ROBO2: variants seen among roughly 807,000 people sequenced by gnomAD.
The protein encoded by ROBO2 is roundabout homolog 2.
ROBO2 carries 53 observed loss-of-function variants against 160.8 expected under a neutral mutation model. The ratio of observed to expected loss-of-function variants is 0.33; its 90% CI spans 0.26 to 0.41. The LOEUF is 0.41. ROBO2 is among the 10% of genes least tolerant of loss of function. ROBO2 has a pLI of 1.00. For synonymous variants in ROBO2, 664 were observed against 611.7 expected (o/e 1.09, Z -1.26); for missense variants, 1,577 against 1,722.4 (o/e 0.92, Z 1.49).
chr3:75,996,997 C>T (rs904419808), intron 2 of ROBO2, among the ~76,000 whole-genome samples: 3 of 152,112 alleles, frequency 2.0e-5, no homozygotes, highest in Non-Finnish European at 4.4e-5. Flanking sequence ...TCAGGCTCTA[C>T]CTAAAAATTA....
At chr3:77,039,866 G>A (rs1050809914), upstream of ROBO2, 4 of 153,150 alleles carry the variant, frequency 2.6e-5, no homozygotes, top group African/African-American at 9.6e-5. Flanking sequence ...TCTGCTGCGA[G>A]GCTGCGGGGG....
intron 2 of ROBO2, among the ~76,000 whole-genome samples, chr3:77,374,013 TA>T (rs1266953559): frequency 1.3e-5 from 2 of 148,260 alleles, no homozygotes; most frequent in South Asian, 2.1e-4. Context: ...CTACTAAAAA[TA>T]AAAAAATTGG....
At position 76,506,717 on chromosome 3, in the gene ROBO2, G is replaced by A. The variant is rs1029120680; in HGVS notation, c.109+569115G>A. Among the ~76,000 whole-genome samples the A allele has an allele frequency of 7.9e-5, 12 of 152,046 alleles. 1 individual carries two copies. The highest frequency in any genetic ancestry group is 6.6e-4 in the Admixed American group (10 of 15,266). On this transcript the variant is annotated intron_variant, in intron 2 of 26. Transcript: ENST00000487694. Reference sequence around the variant, plus strand: ...TATTCTTTTACAAATCACTGTTAGCGTACCCTGGCAACCTGAAAACAGCTA... The same window carrying A: ...TATTCTTTTACAAATCACTGTTAGCATACCCTGGCAACCTGAAAACAGCTA...
At chr3:77,301,189 T>A in intron 2 of ROBO2, among the ~76,000 whole-genome samples, 1 of 152,078 alleles carries the variant, frequency 6.6e-6, no homozygotes, top group Non-Finnish European at 1.5e-5. Context: ...ATTTTTAAAT[T>A]GAAAATATAT....
At chr3:77,003,647 G>A (rs1266378631) in intron 2 of ROBO2, among the ~76,000 whole-genome samples, 5 of 152,028 alleles carry the variant, frequency 3.3e-5, no homozygotes, top group Non-Finnish European at 5.9e-5. Context: ...TGCAAGCTCC[G>A]CCTCCTGGGT....
chr3:76,184,792 G>A (rs966465945), intron 2 of ROBO2, among the ~76,000 whole-genome samples: 37 of 152,206 alleles, frequency 2.4e-4, no homozygotes, highest in African/African-American at 8.2e-4. Context: ...GGACACTGGT[G>A]TGTAAGTTCT....
intron 2 of ROBO2, among the ~76,000 whole-genome samples, chr3:77,444,983 G>T (rs1362934790): frequency 6.6e-6 from 1 of 152,104 alleles, no homozygotes; most frequent in African/African-American, 2.4e-5. Flanking sequence ...AAGCTGATTT[G>T]GTGTTCTCAT....
At chr3:77,167,534 C>CT (rs2079206584) in intron 2 of ROBO2, among the ~76,000 whole-genome samples, 1 of 152,122 alleles carries the variant, frequency 6.6e-6, no homozygotes, top group African/African-American at 2.4e-5. Flanking sequence ...ATAAGAGAGG[C>CT]TACTGGGGTG....
chr3:77,102,118 T>A (rs2150107747), intron 2 of ROBO2, among the ~76,000 whole-genome samples: 1 of 152,298 alleles, frequency 6.6e-6, no homozygotes, highest in South Asian at 2.1e-4. Flanking sequence ...ACAGTACCTG[T>A]GGGCTCCAGT....
chr3:77,634,538 T>G (rs936683889), intron 23 of ROBO2: 7 of 288,662 alleles, frequency 2.4e-5, no homozygotes, highest in Non-Finnish European at 4.7e-5. Flanking sequence ...TGAATTTGCA[T>G]ATATCTTTGA....
chr3:76,278,615 A>G (rs1247082333), intron 2 of ROBO2, among the ~76,000 whole-genome samples: 2 of 151,982 alleles, frequency 1.3e-5, no homozygotes, highest in Non-Finnish European at 2.9e-5. Flanking sequence ...ATTTATTTTT[A>G]AAAGATATTT....
In ROBO2 at chr3:77,578,829, T is replaced by C. The variant is rs553884013; in HGVS notation, c.2329-1118T>C. 3.2e-3 allele frequency among the ~76,000 whole-genome samples: 489 copies of C among 152,156 alleles called. 5 individuals carry two copies. Among genetic ancestry groups the C allele is most frequent in the Non-Finnish European group, 5.3e-3 (357 of 67,920 alleles). On this transcript the variant is annotated intron_variant, in intron 15 of 25. Coordinates refer to ENST00000461745, the Ensembl canonical transcript of ROBO2. ...GGTTAGGAATTTATTTTTGTACCATTTGGCACTAAATATCCTAAATTTCCA... is the reference window on the plus strand; with the variant it reads ...GGTTAGGAATTTATTTTTGTACCATCTGGCACTAAATATCCTAAATTTCCA...
intron 1 of ROBO2, among the ~76,000 whole-genome samples, chr3:75,921,701 G>T (rs1947066624): frequency 6.6e-6 from 1 of 152,106 alleles, no homozygotes; most frequent in African/African-American, 2.4e-5. Context: ...GATGGAGAAA[G>T]ATTTGTCAAA....
At chr3:76,261,885 A>G (rs1706791794) in intron 2 of ROBO2, among the ~76,000 whole-genome samples, 2 of 152,294 alleles carry the variant, frequency 1.3e-5, no homozygotes, top group Admixed American at 1.3e-4. Flanking sequence ...ATGATATGAA[A>G]GTATTTTATA....
chr3:76,969,849 CTA>C (rs2059489320), intron 2 of ROBO2, among the ~76,000 whole-genome samples: 2 of 151,694 alleles, frequency 1.3e-5, no homozygotes, highest in Non-Finnish European at 1.5e-5. Flanking sequence ...GTGTGTGTGT[CTA>C]TGTTGGCTAG....
At chr3:76,194,348 GTGTAAATATA>G (rs1382121783) in intron 2 of ROBO2, among the ~76,000 whole-genome samples, 10 of 45,746 alleles carry the variant, frequency 2.2e-4, no homozygotes, top group African/African-American at 6.4e-4. Flanking sequence ...TATGTATGGT[GTGTAAATATA>G]TATATATATA....
At chr3:76,207,383 G>A (rs768047995) in intron 2 of ROBO2, among the ~76,000 whole-genome samples, 6 of 152,176 alleles carry the variant, frequency 3.9e-5, no homozygotes, top group Non-Finnish European at 5.9e-5. Context: ...GGAAGTATAC[G>A]AAGTGTTAGT....
intron 2 of ROBO2, among the ~76,000 whole-genome samples, chr3:76,502,327 C>G (rs1577688983): frequency 6.6e-6 from 1 of 152,126 alleles, no homozygotes; most frequent in African/African-American, 2.4e-5. Flanking sequence ...GTTATGTCAC[C>G]CAATCCTGTT....
intron 2 of ROBO2, among the ~76,000 whole-genome samples, chr3:77,008,562 T>G (rs2061704494): frequency 6.6e-6 from 1 of 152,154 alleles, no homozygotes; most frequent in Non-Finnish European, 1.5e-5. Context: ...ATAGTAATCT[T>G]ATTGCTTGAG....
Sources: gnomAD v4.1 joint callset for allele counts (sites outside exome capture counted in the v4.1 genomes callset) on GRCh38, gnomAD v4.1.1 for gene constraint, MANE v1.5 for transcripts, NCBI Gene and HGNC (gene_info 2026-07-23, HGNC 2026-07-21) for gene names.